The following GPR149 variants were observed in gnomAD, a reference collection of about 807,000 sequenced individuals.
The protein encoded by GPR149 is G protein-coupled receptor 149, also known as probable G protein-coupled receptor 149.
GPR149 carries 50 observed loss-of-function variants against 50.2 expected under a neutral mutation model. The ratio of observed to expected loss-of-function variants is 1.00; its 90% CI spans 0.79 to 1.26. GPR149 has a LOEUF of 1.26. Among genes scored for constraint, GPR149 ranks in the 50% most tolerant of loss-of-function variants. GPR149 has a pLI of 0.00. For synonymous variants in GPR149, 405 were observed against 358.2 expected, an observed-to-expected ratio of 1.13 and a Z score of -1.48; for missense variants, 983 against 895.4, an observed-to-expected ratio of 1.10 and a Z score of -1.25.
chr3:154,386,612 T>A (rs557802298), intron 3 of GPR149, among the ~76,000 whole-genome samples: 1 of 152,330 alleles, frequency 6.6e-6, no homozygotes, highest in African/African-American at 2.4e-5. Flanking sequence ...TGTCATCCCC[T>A]CAGGAGATAT....
At position 154,361,639 on chromosome 3, in the gene GPR149, T is replaced by C. The variant is rs1348234472; in HGVS notation, c.1624-23368A>G. ...AAATTTTGGACCAGTACGGGGTGCT[T>C]TTTTTCTTTTCTCTATCAAAACTTG... On this transcript the variant is annotated intron_variant, in intron 3 of 3. Coordinates refer to ENST00000389740, the MANE Select transcript of GPR149 (RefSeq NM_001038705.3). Among the ~76,000 whole-genome samples, 8 of 152,178 alleles carry C rather than the reference T, an allele frequency of 5.3e-5. No individual in the cohort carries two copies. The South Asian group carries it at 6.2e-4, about 12-fold the overall frequency.
chr3:154,405,207 G>A (rs770904890), intron 3 of GPR149, among the ~76,000 whole-genome samples: 6 of 152,218 alleles, frequency 3.9e-5, no homozygotes, highest in Admixed American at 2.0e-4. Context: ...AAATTTACGG[G>A]CATAAATCAA....
chr3:154,364,529 TCAAA>T (rs2108397167), intron 3 of GPR149, among the ~76,000 whole-genome samples: 1 of 152,284 alleles, frequency 6.6e-6, no homozygotes, highest in East Asian at 1.9e-4. Context: ...GCCTGTGAAA[TCAAA>T]CAAATTATCT....
Position 154,428,785 on chromosome 3 carries a change from C to G in GPR149, c.831G>C (p.Pro277=). The change falls in exon 1 of 4, where the codon CCG becomes CCC. Residue 277 remains proline, a synonymous_variant. Coordinates refer to ENST00000389740, the MANE Select transcript of GPR149 (RefSeq NM_001038705.3). The stretch of plus-strand genomic sequence containing the variant: ...CAGCCCCAGCGGCAGCGGGCGCACC[C>G]GGTCCGAACACGGTGTCGGAGCTCG... ...CSPSSDTVFG[P]GAPAAAGAEA... 6.2e-7 allele frequency: 1 copy of G among 1,613,938 alleles called. No homozygotes were observed. Among genetic ancestry groups the G allele is most frequent in the Non-Finnish European group, 8.5e-7 (1 of 1,180,026 alleles).
chr3:154,413,888 A>T (rs942892764), intron 3 of GPR149, among the ~76,000 whole-genome samples: 1 of 151,758 alleles, frequency 6.6e-6, no homozygotes, highest in Non-Finnish European at 1.5e-5. Flanking sequence ...TAATCTCAAA[A>T]ATATGGAACT....
Position 154,429,496 on chromosome 3 carries a change from T to C in GPR149, c.120A>G (p.Thr40=), listed in dbSNP as rs776939251. ...GTLNIYLFCL[T]CLMTFAALVG... ...CCAAGGCTGCAAAAGTCATGAGACA[T>C]GTCAAGCAAAAAAGATAGATATTCA... The change falls in exon 1 of 4, where the codon ACA becomes ACG. Residue 40 remains threonine, a synonymous_variant. Coordinates refer to ENST00000389740, the MANE Select transcript of GPR149 (RefSeq NM_001038705.3). 1.2e-6 allele frequency: 2 copies of C among 1,614,012 alleles called. No homozygotes were observed. The highest frequency in any genetic ancestry group is 1.7e-6 in the Non-Finnish European group (2 of 1,180,028).
At chr3:154,423,404 GT>G (rs1712200593) in intron 2 of GPR149, among the ~76,000 whole-genome samples, 1 of 151,818 alleles carries the variant, frequency 6.6e-6, no homozygotes, top group Admixed American at 6.6e-5. Flanking sequence ...ATTTGAAATT[GT>G]TTTCTTGCTA....
chr3:154,395,367 T>C (rs1715265096), intron 3 of GPR149, among the ~76,000 whole-genome samples: 1 of 110,102 alleles, frequency 9.1e-6, no homozygotes, highest in African/African-American at 3.2e-5. Context: ...GGTAATGTTT[T>C]TTAAACCTTG....
chr3:154,376,821 T>G (rs1714802145), intron 3 of GPR149, among the ~76,000 whole-genome samples: 1 of 152,196 alleles, frequency 6.6e-6, no homozygotes, highest in African/African-American at 2.4e-5. Context: ...AGGAGTCATA[T>G]CTTGGCCTTA....
chr3:154,353,217 T>C (rs1043914743), intron 3 of GPR149: 2 of 1,531,032 alleles, frequency 1.3e-6, no homozygotes, highest in Admixed American at 1.7e-5. Flanking sequence ...TGCTGGCCTC[T>C]GAGACCAATG....
intron 3 of GPR149, among the ~76,000 whole-genome samples, chr3:154,347,903 G>A (rs1713973679): frequency 1.3e-5 from 2 of 152,206 alleles, no homozygotes; most frequent in Admixed American, 1.3e-4. Flanking sequence ...GACTATTGAA[G>A]TATTGCAAAG....
rs1713674863 is a variant in GPR149, at chr3:154,337,228, T to C, written c.*471A>G. Reference sequence around the variant, plus strand: ...AAGCAGTAAGTGTAATAAGCTTGTTTTGCTAGCCACATTTAGGCAAGTTCC... The same window carrying C: ...AAGCAGTAAGTGTAATAAGCTTGTTCTGCTAGCCACATTTAGGCAAGTTCC... On this transcript the variant is annotated 3_prime_UTR_variant, in exon 4 of 4. Coordinates refer to ENST00000389740, the MANE Select transcript of GPR149 (RefSeq NM_001038705.3). 6.6e-6 allele frequency among the ~76,000 whole-genome samples: 1 copy of C among 152,202 alleles called. No homozygotes were observed. The highest frequency in any genetic ancestry group is 2.4e-5 in the African/African-American group (1 of 41,462).
Position 154,429,821 on chromosome 3 carries a change from TAA to T in GPR149, c.-208_-207del, listed in dbSNP as rs3075921. On this transcript the variant is annotated 5_prime_UTR_variant, in exon 1 of 4. It introduces an in-frame stop codon into an upstream open reading frame of the 5' UTR. Transcript: ENST00000389740. ...TAAAAATTAGGTTCCATTTCAAGCATAAAAAAAAAAAAACCCGAACAGATAAC... is the reference window on the plus strand; with the variant it reads ...TAAAAATTAGGTTCCATTTCAAGCATAAAAAAAAAAACCCGAACAGATAAC... 0.16 allele frequency: 52,599 copies of T among 327,280 alleles called. 2,605 individuals are homozygous for T. The highest frequency in any genetic ancestry group is 0.26 in the East Asian group (5,303 of 20,198). The allele number at this position is 327,280 out of a possible 1,614,324, so 20.3% of individuals were successfully genotyped here.
At chr3:154,339,776 CTTCTT>C (rs1713744883) in intron 3 of GPR149, among the ~76,000 whole-genome samples, 3 of 125,316 alleles carry the variant, frequency 2.4e-5, no homozygotes, top group Admixed American at 9.1e-5. Context: ...TCATGCTCTA[CTTCTT>C]TTTTTTTTTT....
At chr3:154,345,054 A>G (rs1713890243) in intron 3 of GPR149, among the ~76,000 whole-genome samples, 1 of 152,222 alleles carries the variant, frequency 6.6e-6, no homozygotes, top group Middle Eastern at 3.2e-3. Context: ...TCTTCAAAAG[A>G]AGTGAACATT....
intron 1 of GPR149, among the ~76,000 whole-genome samples, chr3:154,428,007 G>A (rs1712356735): frequency 6.6e-6 from 1 of 152,188 alleles, no homozygotes; most frequent in Non-Finnish European, 1.5e-5. Context: ...TAGGAAACAG[G>A]CGTCCGTGAA....
At chr3:154,343,808 C>CAA (rs1559968949) in intron 3 of GPR149, among the ~76,000 whole-genome samples, 24 of 152,114 alleles carry the variant, frequency 1.6e-4, no homozygotes, top group African/African-American at 5.8e-4. Flanking sequence ...GGGACCCTGT[C>CAA]TCTAAAAAAA....
In GPR149 at chr3:154,411,133, C is replaced by A. The variant is rs186972535; in HGVS notation, c.1623+9906G>T. 1.6e-4 allele frequency among the ~76,000 whole-genome samples: 24 copies of A among 152,192 alleles called. 1 individual carries two copies. In the East Asian group the frequency reaches 4.1e-3, roughly 26 times the overall value. On this transcript the variant is annotated intron_variant, in intron 3 of 3. Transcript: ENST00000389740. ...AAATCAAGACGGAAATTTAAAAATT[C>A]TTTGAACTGAATGATAATAGTGACA...
At chr3:154,391,692 T>C (rs1464449045) in intron 3 of GPR149, among the ~76,000 whole-genome samples, 3 of 151,830 alleles carry the variant, frequency 2.0e-5, no homozygotes, top group Admixed American at 1.3e-4. Context: ...ATCCAACTTA[T>C]ATTGGATCAA....
Sources: gnomAD v4.1 joint callset for allele counts (sites outside exome capture counted in the v4.1 genomes callset) on GRCh38, gnomAD v4.1.1 for gene constraint, MANE v1.5 for transcripts, NCBI Gene and HGNC (gene_info 2026-07-23, HGNC 2026-07-21) for gene names.